The following PARD3 variants were observed in gnomAD, a reference collection of about 807,000 sequenced individuals.
PARD3 encodes par-3 family cell polarity regulator.
A neutral mutation model predicts 155.4 loss-of-function variants in PARD3; 75 were observed. The observed-to-expected ratio is 0.48, with a 90% confidence interval of 0.40 to 0.58. The LOEUF is 0.58. Among genes scored for constraint, PARD3 ranks in the 20% least tolerant of loss-of-function variants. PARD3 has a pLI of 0.00. For missense variants in PARD3, 1,642 were observed against 1,721.7 expected (o/e 0.95, Z 0.82); for synonymous variants, 576 against 610.5 (o/e 0.94, Z 0.83).
intron 22 of PARD3, among the ~76,000 whole-genome samples, chr10:34,261,026 T>C (rs1377008756): frequency 1.3e-5 from 2 of 152,222 alleles, no homozygotes; most frequent in Non-Finnish European, 2.9e-5. Flanking sequence ...TTATGGTATT[T>C]ATGTTTCCAT....
chr10:34,342,754 A>G (rs765405868), intron 15 of PARD3, among the ~76,000 whole-genome samples: 4 of 152,188 alleles, frequency 2.6e-5, no homozygotes, highest in Admixed American at 1.3e-4. Context: ...TTAAATTGCT[A>G]CATCTTTTCA....
At chr10:34,142,611 G>A (rs182016119) in intron 22 of PARD3, among the ~76,000 whole-genome samples, 4 of 151,520 alleles carry the variant, frequency 2.6e-5, no homozygotes, top group African/African-American at 7.3e-5. Flanking sequence ...GAGGAAAGAA[G>A]GAAAGACGGA....
rs528116288 is a variant in PARD3, at chr10:34,159,056, C to T, written c.3420-27473G>A. On this transcript the variant is annotated intron_variant, in intron 22 of 24. Coordinates refer to ENST00000374788, the MANE Select transcript of PARD3 (RefSeq NM_001184785.2). ...AAGAATTTATGGAACCAAACAACCA[C>T]AGAGATTCAACTATGAAATGTATTC... Among the ~76,000 whole-genome samples, 6 of 152,340 alleles carry T rather than the reference C, an allele frequency of 3.9e-5. No individual in the cohort carries two copies. The South Asian group carries it at 1.2e-3, about 32-fold the overall frequency.
intron 2 of PARD3, among the ~76,000 whole-genome samples, chr10:34,664,521 C>T (rs1365414882): frequency 6.7e-6 from 1 of 149,420 alleles, no homozygotes; most frequent in Non-Finnish European, 1.5e-5. Flanking sequence ...AGGTGTCTCC[C>T]TGTGTTGCCC....
intron 22 of PARD3, among the ~76,000 whole-genome samples, chr10:34,229,194 C>G (rs1588860268): frequency 1.3e-5 from 2 of 152,120 alleles, no homozygotes; most frequent in Middle Eastern, 6.8e-3. Context: ...TGCCTCTCCT[C>G]CAAATACAGC....
chr10:34,473,795 C>T (rs1447950557), intron 3 of PARD3, among the ~76,000 whole-genome samples: 1 of 152,174 alleles, frequency 6.6e-6, no homozygotes, highest in Non-Finnish European at 1.5e-5. Context: ...CTAAAAATTT[C>T]TGTATAAACT....
intron 1 of PARD3, among the ~76,000 whole-genome samples, chr10:34,747,237 G>GAATAT (rs1218806544): frequency 6.6e-6 from 1 of 152,010 alleles, no homozygotes; most frequent in African/African-American, 2.4e-5. Flanking sequence ...TAGGAATTAG[G>GAATAT]AATATCATTT....
At chr10:34,257,536 G>A (rs1377353856) in intron 22 of PARD3, among the ~76,000 whole-genome samples, 1 of 152,192 alleles carries the variant, frequency 6.6e-6, no homozygotes, top group Non-Finnish European at 1.5e-5. Context: ...ATCATGGAAT[G>A]GCCTAAAATC....
At chr10:34,220,403 C>G (rs1052002596) in intron 22 of PARD3, among the ~76,000 whole-genome samples, 3 of 152,208 alleles carry the variant, frequency 2.0e-5, no homozygotes, top group African/African-American at 7.2e-5. Context: ...CATTTGTAAC[C>G]TTCAAAATAA....
At chr10:34,440,872 T>C (rs560097526) in intron 5 of PARD3, among the ~76,000 whole-genome samples, 2 of 152,082 alleles carry the variant, frequency 1.3e-5, no homozygotes, top group South Asian at 4.2e-4. Context: ...CTCATGAAGA[T>C]ACTTAGCATT....
chr10:34,553,174 C>T (rs1274888625), intron 2 of PARD3, among the ~76,000 whole-genome samples: 2 of 152,154 alleles, frequency 1.3e-5, no homozygotes, highest in Non-Finnish European at 2.9e-5. Flanking sequence ...TGGTCAGCAG[C>T]CAGGTTCAGA....
At chr10:34,372,924 A>C (rs924657027) in intron 11 of PARD3, among the ~76,000 whole-genome samples, 1 of 152,168 alleles carries the variant, frequency 6.6e-6, no homozygotes, top group Non-Finnish European at 1.5e-5. Context: ...ACCAGATAAT[A>C]ACAGTTTGAA....
chr10:34,303,067 TTTAAAA>T (rs751697951), intron 20 of PARD3, among the ~76,000 whole-genome samples: 126 of 142,630 alleles, frequency 8.8e-4, no homozygotes, highest in African/African-American at 3.2e-3. Flanking sequence ...AAAACCAAGT[TTTAAAA>T]AAAAAAAAAA....
At position 34,726,632 on chromosome 10, in the gene PARD3, G is replaced by C. The variant is rs34993667; in HGVS notation, c.121-30213C>G. 6.0e-3 allele frequency among the ~76,000 whole-genome samples: 918 copies of C among 152,048 alleles called. 5 individuals are homozygous for C. Among genetic ancestry groups the C allele is most frequent in the Non-Finnish European group, 8.6e-3 (583 of 67,966 alleles). On this transcript the variant is annotated intron_variant, in intron 1 of 24. Coordinates refer to ENST00000374788, the MANE Select transcript of PARD3 (RefSeq NM_001184785.2). ...CACAATTAGCTGGGCGTGGTGACAG[G>C]CACCTGTAGTCCCAGCTACTCAGGA...
At position 34,146,585 on chromosome 10, in the gene PARD3, G is replaced by T. The variant is rs71495068; in HGVS notation, c.3420-15002C>A. The stretch of plus-strand genomic sequence containing the variant: ...AAACTAGTTTTCCTTTCTTTGACAT[G>T]TGATGAAAATCACAGTTTGGCTTTA... On this transcript the variant is annotated intron_variant, in intron 22 of 24. Transcript: ENST00000374788. Among the ~76,000 whole-genome samples, 1,187 of 152,284 alleles carry T rather than the reference G, an allele frequency of 7.8e-3. 5 individuals are homozygous for T. The highest frequency in any genetic ancestry group is 0.013 in the Admixed American group (202 of 15,296).
At chr10:34,767,323 C>G (rs974275354) in intron 1 of PARD3, among the ~76,000 whole-genome samples, 7 of 152,234 alleles carry the variant, frequency 4.6e-5, no homozygotes, top group African/African-American at 1.7e-4. Context: ...GGAGTGCCAC[C>G]TGATGGCACA....
At chr10:34,237,711 T>C (rs1265487522) in intron 22 of PARD3, among the ~76,000 whole-genome samples, 8 of 152,364 alleles carry the variant, frequency 5.3e-5, no homozygotes, top group East Asian at 3.9e-4. Context: ...TTCTGATATA[T>C]ATTATAACCC....
intron 19 of PARD3, among the ~76,000 whole-genome samples, chr10:34,317,852 T>C (rs1022598397): frequency 3.3e-5 from 5 of 152,224 alleles, no homozygotes; most frequent in Non-Finnish European, 7.3e-5. Context: ...TCCCAACATA[T>C]CCTGCTCACA....
intron 5 of PARD3, among the ~76,000 whole-genome samples, chr10:34,412,567 T>C (rs1845200563): frequency 6.6e-6 from 1 of 152,226 alleles, no homozygotes; most frequent in South Asian, 2.1e-4. Context: ...AGAATGTCCA[T>C]TTCAACAGAT....
Sources: gnomAD v4.1 joint callset for allele counts (sites outside exome capture counted in the v4.1 genomes callset) on GRCh38, gnomAD v4.1.1 for gene constraint, MANE v1.5 for transcripts, NCBI Gene and HGNC (gene_info 2026-07-23, HGNC 2026-07-21) for gene names.